UBE2D4: variants seen among roughly 807,000 people sequenced by gnomAD.
UBE2D4 encodes the protein ubiquitin conjugating enzyme E2 D4.
In UBE2D4, 17 loss-of-function variants were observed where a neutral mutation model predicts 23.0. The ratio of observed to expected loss-of-function variants is 0.74; its 90% CI spans 0.51 to 1.11. UBE2D4 has a LOEUF of 1.11. UBE2D4 is among the 50% of genes least tolerant of loss of function. The pLI, the probability that UBE2D4 is intolerant of heterozygous loss-of-function variation, is 0.00. For missense variants in UBE2D4, 139 were observed against 181.8 expected, an observed-to-expected ratio of 0.76 and a Z score of 1.35; for synonymous variants, 61 against 69.4, an observed-to-expected ratio of 0.88 and a Z score of 0.60.
In UBE2D4 at chr7:43,952,965, G is replaced by A. The variant is rs1273355317; in HGVS notation, c.*270G>A. On this transcript the variant is annotated 3_prime_UTR_variant, in exon 7 of 7. Transcript: ENST00000222402. Reference sequence around the variant, plus strand: ...TGACACTGGAATCTCTCTCTCTGCCGCCTCAGTTTGTCTGCTGGTCTCTTG... The same window carrying A: ...TGACACTGGAATCTCTCTCTCTGCCACCTCAGTTTGTCTGCTGGTCTCTTG... The A allele has an allele frequency of 3.1e-5, 13 of 419,444 alleles. No individual in the cohort carries two copies. The highest frequency in any genetic ancestry group is 5.9e-4 in the Middle Eastern group (1 of 1,706). The allele number at this position is 419,444 out of a possible 1,614,324, so 26.0% of individuals were successfully genotyped here. A position where few individuals can be genotyped will look rare whatever the true frequency, so the allele number is the denominator to read the frequency against.
rs774290334 is a variant in UBE2D4 at position 43,954,257 on chromosome 7, C to CTTTTT, written c.*1586_*1590dup. 2 of 70,546 alleles carry CTTTTT rather than the reference C, an allele frequency of 2.8e-5. No individual in the cohort carries two copies. The highest frequency in any genetic ancestry group is 1.9e-4 in the Admixed American group (1 of 5,254). The allele number at this position is 70,546 out of a possible 1,614,324, so 4.4% of individuals were successfully genotyped here. On this transcript the variant is annotated 3_prime_UTR_variant, in exon 7 of 7. Transcript: ENST00000222402. The stretch of plus-strand genomic sequence containing the variant: ...TGCATCTCACCATGTTGAGGATTGC[C>CTTTTT]TTTTTTTTTTTTTTTTTTTTTTTTT...
At chr7:43,931,261 A>T (rs2095944791) in intron 1 of UBE2D4, among the ~76,000 whole-genome samples, 1 of 152,120 alleles carries the variant, frequency 6.6e-6, no homozygotes, top group Admixed American at 6.6e-5. Flanking sequence ...ACATGGCAAA[A>T]CCCCAGCTCT....
In UBE2D4 at chr7:43,926,475, A is replaced by G; in HGVS notation, c.-58A>G. On this transcript the variant is annotated 5_prime_UTR_variant, in exon 1 of 7. Coordinates refer to ENST00000222402, the MANE Select transcript of UBE2D4 (RefSeq NM_015983.4). Reference sequence around the variant, plus strand: ...GCAGCTTGGTGGCGGCTGAGCCGGCAGCGGGCCGCCTCAGGCAGCCCCGGC... The same window carrying G: ...GCAGCTTGGTGGCGGCTGAGCCGGCGGCGGGCCGCCTCAGGCAGCCCCGGC... The G allele has an allele frequency of 3.5e-6, 5 of 1,417,876 alleles. No homozygotes were observed. Among genetic ancestry groups the G allele is most frequent in the South Asian group, 1.4e-5 (1 of 69,866 alleles). The allele number at this position is 1,417,876 out of a possible 1,614,324, so 87.8% of individuals were successfully genotyped here. A position where few individuals can be genotyped will look rare whatever the true frequency, so the allele number is the denominator to read the frequency against.
intron 1 of UBE2D4, among the ~76,000 whole-genome samples, chr7:43,936,065 G>C (rs1382125860): frequency 6.6e-6 from 1 of 152,146 alleles, no homozygotes; most frequent in Admixed American, 6.5e-5. Flanking sequence ...TAGAGACAGG[G>C]TTTCACCATG....
rs1336845909 is a variant in UBE2D4 at position 43,955,464 on chromosome 7, T to G, written c.*2769T>G. 1 of 152,168 alleles carries G rather than the reference T, an allele frequency of 6.6e-6. No homozygotes were observed. Among genetic ancestry groups the G allele is most frequent in the Non-Finnish European group, 1.5e-5 (1 of 68,034 alleles). 9.4% of individuals were successfully genotyped at this position (152,168 alleles called of 1,614,324 possible). On this transcript the variant is annotated 3_prime_UTR_variant, in exon 7 of 7. Coordinates refer to ENST00000222402, the MANE Select transcript of UBE2D4 (RefSeq NM_015983.4). ...GAAAGATCCAGGAGTTCCAAGAACA[T>G]GGCAAAGAGTCAAAATCTTAGGACA... is the stretch of plus-strand genomic sequence containing the variant.
intron 1 of UBE2D4, among the ~76,000 whole-genome samples, chr7:43,931,002 T>C (rs2095944091): frequency 6.6e-6 from 1 of 151,832 alleles, no homozygotes; most frequent in South Asian, 2.1e-4. Context: ...CATGTGCCTG[T>C]AATCCTGGCT....
chr7:43,926,605 G>C, intron 1 of UBE2D4, 49 bp downstream of exon 1: 1 of 1,528,866 alleles, frequency 6.5e-7, no homozygotes, highest in Non-Finnish European at 8.8e-7. Flanking sequence ...AAGCGTCGAG[G>C]TGTGGGCGGG....
Position 43,945,551 on chromosome 7 carries a change from C to T in UBE2D4, c.198+2520C>T, listed in dbSNP as rs759303190. 2.6e-5 allele frequency among the ~76,000 whole-genome samples: 4 copies of T among 151,996 alleles called. No homozygotes were observed. The East Asian group carries it at 5.8e-4, about 22-fold the overall frequency. The stretch of plus-strand genomic sequence containing the variant: ...TATTGAGGCAGATACTTAATGTCTG[C>T]GATGATTTTGAAGTTTGACCCTTCC... On this transcript the variant is annotated intron_variant, in intron 4 of 6. Transcript: ENST00000222402.
At position 43,926,544 on chromosome 7, in the gene UBE2D4, G is replaced by A; in HGVS notation, c.12G>A (p.Lys4=). 2 of 1,568,086 alleles carry A rather than the reference G, an allele frequency of 1.3e-6. No individual in the cohort carries two copies. Among genetic ancestry groups the A allele is most frequent in the Non-Finnish European group, 1.7e-6 (2 of 1,160,892 alleles). Residue 4 remains lysine, a synonymous_variant, in exon 1 of 7, where the codon AAG becomes AAA. Transcript: ENST00000222402. ...GGCAGCGGGGTAGGATGGCGCTAAA[G>A]CGGATCCAGAAGGTACGCACTTTCC... MAL[K]RIQKELTDLQ...
chr7:43,942,291 G>C (rs1262405799), intron 2 of UBE2D4: 1 of 168,630 alleles, frequency 5.9e-6, no homozygotes, highest in Non-Finnish European at 1.3e-5. Flanking sequence ...CCACCAGCCT[G>C]GGTGGCAGAG....
chr7:43,950,818 C>A, intron 6 of UBE2D4, 126 bp downstream of exon 6: 1 of 747,130 alleles, frequency 1.3e-6, no homozygotes, highest in South Asian at 1.6e-5. Flanking sequence ...CCATGCTGAG[C>A]CATGTGCACA....
At position 43,926,503 on chromosome 7, in the gene UBE2D4, G is replaced by C. The variant is rs975543031; in HGVS notation, c.-30G>C. 6 of 1,509,480 alleles carry C rather than the reference G, an allele frequency of 4.0e-6. No individual in the cohort carries two copies. In the African/African-American group the frequency reaches 5.7e-5, roughly 14 times the overall value. The allele number at this position is 1,509,480 out of a possible 1,614,324, so 93.5% of individuals were successfully genotyped here. A position where few individuals can be genotyped will look rare whatever the true frequency, so the allele number is the denominator to read the frequency against. ...GGGCCGCCTCAGGCAGCCCCGGCCG[G>C]GCCGCCCGGGTCCCCGGCAGCGGGG... On this transcript the variant is annotated 5_prime_UTR_variant, in exon 1 of 7. Transcript: ENST00000222402.
chr7:43,941,338 T>A (rs999877464), intron 2 of UBE2D4: 1 of 152,094 alleles, frequency 6.6e-6, no homozygotes, highest in Non-Finnish European at 1.5e-5. Flanking sequence ...TGAATGTGAG[T>A]GTTTGGGCCA....
intron 6 of UBE2D4, 101 bp downstream of exon 6, chr7:43,950,793 C>T (rs2096000670): frequency 1.1e-6 from 1 of 940,368 alleles, no homozygotes; most frequent in African/African-American, 1.6e-5. Context: ...CAGGTTCCCA[C>T]AGACATCTTC....
At position 43,954,347 on chromosome 7, in the gene UBE2D4, A is replaced by G. The variant is rs2096009247; in HGVS notation, c.*1652A>G. ...CAGTGGTGCGATCTTGGCTCACTGCAACCTCTGCCTCCCAGGTTCAAGCAA... is the reference window on the plus strand; with the variant it reads ...CAGTGGTGCGATCTTGGCTCACTGCGACCTCTGCCTCCCAGGTTCAAGCAA... On this transcript the variant is annotated 3_prime_UTR_variant, in exon 7 of 7. Coordinates refer to ENST00000222402, the MANE Select transcript of UBE2D4 (RefSeq NM_015983.4). The G allele has an allele frequency of 6.9e-6, 1 of 143,886 alleles. No homozygotes were observed. The highest frequency in any genetic ancestry group is 1.5e-5 in the Non-Finnish European group (1 of 67,134). The allele number at this position is 143,886 out of a possible 1,614,324, so 8.9% of individuals were successfully genotyped here.
chr7:43,941,169 A>G lies in UBE2D4; in HGVS notation c.89-1657A>G, dbSNP rs1435273698. The G allele has an allele frequency of 2.6e-5, 4 of 152,214 alleles. No homozygotes were observed. The South Asian group carries it at 8.3e-4, about 31-fold the overall frequency. The allele number at this position is 152,214 out of a possible 1,614,324, so 9.4% of individuals were successfully genotyped here. ...AGGACCAGGTCTGAAACTCTGGGCT[A>G]ATTCCATATCTACTATGAATCCATA... On this transcript the variant is annotated intron_variant, in intron 2 of 6. Transcript: ENST00000222402.
In UBE2D4 at chr7:43,952,425, C is replaced by T. The variant is rs370085237; in HGVS notation, c.399-225C>T. 87 of 493,702 alleles carry T rather than the reference C, an allele frequency of 1.8e-4. 1 individual carries two copies. The South Asian group carries it at 2.2e-3, about 12-fold the overall frequency. 30.6% of individuals were successfully genotyped at this position (493,702 alleles called of 1,614,324 possible). A position where few individuals can be genotyped will look rare whatever the true frequency, so the allele number is the denominator to read the frequency against. On this transcript the variant is annotated intron_variant, in intron 6 of 6. Transcript: ENST00000222402. ...ACAGCAGATAGTTATGGAGAATCAA[C>T]AGTTTGGGGTTTACACATGAGGGGT...
In UBE2D4 at chr7:43,944,733, T is replaced by A. The variant is rs1219157678; in HGVS notation, c.198+1702T>A. 1 of 152,246 alleles carries A rather than the reference T, an allele frequency of 6.6e-6. No individual in the cohort carries two copies. Among genetic ancestry groups the A allele is most frequent in the Non-Finnish European group, 1.5e-5 (1 of 68,068 alleles). The allele number at this position is 152,246 out of a possible 1,614,324, so 9.4% of individuals were successfully genotyped here. On this transcript the variant is annotated intron_variant, in intron 4 of 6. Coordinates refer to ENST00000222402, the MANE Select transcript of UBE2D4 (RefSeq NM_015983.4). This position sits in a 1 kb window ranked among gnomAD's most constrained non-coding sequence, Gnocchi z 4.0. Reference sequence around the variant, plus strand: ...CACCACATTGGAGTACAACTGCTGTTCAAGGGAGTTTGGTTGAAAAATCAT... The same window carrying A: ...CACCACATTGGAGTACAACTGCTGTACAAGGGAGTTTGGTTGAAAAATCAT...
At chr7:43,935,301 G>A (rs1038044643) in intron 1 of UBE2D4, among the ~76,000 whole-genome samples, 17 of 152,040 alleles carry the variant, frequency 1.1e-4, no homozygotes, top group African/African-American at 3.9e-4. Flanking sequence ...TTTAGGTTGG[G>A]GGCCCTTTTC....
Sources: gnomAD v4.1 joint callset for allele counts (sites outside exome capture counted in the v4.1 genomes callset) on GRCh38, gnomAD v4.1.1 for gene constraint, Gnocchi (gnomAD v3.1) non-coding constraint, MANE v1.5 for transcripts, NCBI Gene and HGNC (gene_info 2026-07-23, HGNC 2026-07-21) for gene names.